Variants in IGDCC4 observed in about 807,000 individuals in gnomAD.
IGDCC4 encodes the protein immunoglobulin superfamily DCC subclass member 4.
In IGDCC4, 72 loss-of-function variants were observed where a neutral mutation model predicts 116.6. The ratio of observed to expected loss-of-function variants is 0.62; its 90% CI spans 0.51 to 0.75. The LOEUF is 0.75. Among genes scored for constraint, IGDCC4 ranks in the 30% least tolerant of loss-of-function variants. The pLI, the probability that IGDCC4 is intolerant of heterozygous loss-of-function variation, is 0.00. For missense variants in IGDCC4, 1,501 were observed against 1,662.4 expected (o/e 0.90, Z 1.69); for synonymous variants, 709 against 719.9 (o/e 0.98, Z 0.24).
chr15:65,390,135 G>A lies in IGDCC4; in HGVS notation c.2408+20C>T. 6.5e-7 allele frequency: 1 copy of A among 1,543,046 alleles called. No individual in the cohort carries two copies. Among genetic ancestry groups the A allele is most frequent in the East Asian group, 2.3e-5 (1 of 43,598 alleles). On this transcript the variant is annotated intron_variant, in intron 13 of 19. Coordinates refer to ENST00000352385, the MANE Select transcript of IGDCC4 (RefSeq NM_020962.3). ...TATTCTTCCTCCCTTCTTTACATTA[G>A]TAAAGGCATTAGTCCCCACCTGGTG...
At chr15:65,398,687 G>C (rs542483901) in intron 5 of IGDCC4, among the ~76,000 whole-genome samples, 156 of 151,964 alleles carry the variant, frequency 1.0e-3, no homozygotes, top group South Asian at 2.3e-3. Context: ...GTCAGGAGAT[G>C]GAGACCATCC....
At chr15:65,412,384 C>T (rs966459888) in intron 1 of IGDCC4, among the ~76,000 whole-genome samples, 3 of 151,354 alleles carry the variant, frequency 2.0e-5, no homozygotes, top group African/African-American at 7.3e-5. Flanking sequence ...TGGTGGCACG[C>T]ACCTGTAATC....
In IGDCC4 at chr15:65,395,075, G is replaced by A; in HGVS notation, c.1576+19C>T. 7 of 1,588,478 alleles carry A rather than the reference G, an allele frequency of 4.4e-6. No individual in the cohort carries two copies. Among genetic ancestry groups the A allele is most frequent in the Non-Finnish European group, 6.0e-6 (7 of 1,160,766 alleles). On this transcript the variant is annotated intron_variant, in intron 8 of 19. Transcript: ENST00000352385. ...TTCTCTTTACCCCAAGCTGCCCACTGCGAGTTCAGAGGCCCTACCATCATC... is the reference window on the plus strand; with the variant it reads ...TTCTCTTTACCCCAAGCTGCCCACTACGAGTTCAGAGGCCCTACCATCATC...
chr15:65,390,043 A>G lies in IGDCC4; in HGVS notation c.2408+112T>C. The G allele has an allele frequency of 3.2e-6, 3 of 941,140 alleles. 1 individual carries two copies. The highest frequency in any genetic ancestry group is 4.8e-6 in the Non-Finnish European group (3 of 627,142). The allele number at this position is 941,140 out of a possible 1,614,324, so 58.3% of individuals were successfully genotyped here. On this transcript the variant is annotated intron_variant, in intron 13 of 19. Coordinates refer to ENST00000352385, the MANE Select transcript of IGDCC4 (RefSeq NM_020962.3). ...CTCAGCGTAACAGGTGAGCCATGACATGTTCCTGAATCCCAGGGGCCCTTC... is the reference window on the plus strand; with the variant it reads ...CTCAGCGTAACAGGTGAGCCATGACGTGTTCCTGAATCCCAGGGGCCCTTC...
At chr15:65,415,370 C>T (rs577405318) in intron 1 of IGDCC4, among the ~76,000 whole-genome samples, 19 of 152,326 alleles carry the variant, frequency 1.2e-4, no homozygotes, top group African/African-American at 3.1e-4. Context: ...GCAGGACGGC[C>T]GCCAGAGGGG....
At chr15:65,398,505 G>C (rs1433570280) in intron 5 of IGDCC4, among the ~76,000 whole-genome samples, 1 of 128,934 alleles carries the variant, frequency 7.8e-6, no homozygotes, top group African/African-American at 3.1e-5. Flanking sequence ...CTGCACTCCA[G>C]CCTGGGAAAC....
Position 65,383,953 on chromosome 15 carries a change from A to C in IGDCC4, c.*56T>G. On this transcript the variant is annotated 3_prime_UTR_variant, in exon 20 of 20. Coordinates refer to ENST00000352385, the MANE Select transcript of IGDCC4 (RefSeq NM_020962.3). ...CATGTGGACATACACGGCCACAGGT[A>C]TCGCATCCTATGTGATCCATACCTG... 6.9e-7 allele frequency: 1 copy of C among 1,455,128 alleles called. No individual in the cohort carries two copies. The highest frequency in any genetic ancestry group is 9.2e-7 in the Non-Finnish European group (1 of 1,086,438). The allele number at this position is 1,455,128 out of a possible 1,614,324, so 90.1% of individuals were successfully genotyped here. A position where few individuals can be genotyped will look rare whatever the true frequency, so the allele number is the denominator to read the frequency against.
intron 1 of IGDCC4, among the ~76,000 whole-genome samples, chr15:65,415,793 C>A (rs976805295): frequency 6.6e-6 from 1 of 152,180 alleles, no homozygotes; most frequent in Non-Finnish European, 1.5e-5. Context: ...GCCCAGGAAG[C>A]GCATCCTTAG....
chr15:65,412,921 A>G (rs1018883352), intron 1 of IGDCC4, among the ~76,000 whole-genome samples: 1 of 145,232 alleles, frequency 6.9e-6, no homozygotes, highest in Admixed American at 6.8e-5. Context: ...ACATATATAG[A>G]TCTCTCTCTC....
Position 65,395,046 on chromosome 15 carries a change from G to C in IGDCC4, c.1576+48C>G, listed in dbSNP as rs74023804. On this transcript the variant is annotated intron_variant, in intron 8 of 19. Transcript: ENST00000352385. ...AGAGAGGGTGAGCTCCCCTCCCCAG[G>C]GAATTCTCTTTACCCCAAGCTGCCC... The C allele has an allele frequency of 4.0e-4, 621 of 1,557,674 alleles. 2 individuals are homozygous for C. The African/African-American group carries it at 7.5e-3, about 19-fold the overall frequency.
At chr15:65,410,157 G>C (rs376244275) in intron 3 of IGDCC4, 21 bp downstream of exon 3, 7 of 1,611,012 alleles carry the variant, frequency 4.3e-6, no homozygotes, top group Non-Finnish European at 5.9e-6. Context: ...ACCAGGACCC[G>C]CTCCCCTACA....
intron 1 of IGDCC4, among the ~76,000 whole-genome samples, chr15:65,417,085 T>C (rs1480615359): frequency 2.0e-5 from 3 of 152,190 alleles, no homozygotes; most frequent in African/African-American, 7.2e-5. Flanking sequence ...GCCTCCTCAC[T>C]TCTGAATTTC....
At position 65,394,542 on chromosome 15, in the gene IGDCC4, C is replaced by G. The variant is rs1178418057; in HGVS notation, c.1583G>C (p.Ser528Thr). ...GGACAGGGAGAGCTGGGGTGCTGCACTGGGGACTGAGACAGAAGAACATCA... is the reference window on the plus strand; with the variant it reads ...GGACAGGGAGAGCTGGGGTGCTGCAGTGGGGACTGAGACAGAAGAACATCA... ...ALVHTLDDVP[S>T]AAPQLSLSSP... Residue 528 changes from serine to threonine, a missense_variant, in exon 9 of 20, where the codon AGT (serine) becomes ACT (threonine). Physicochemically the swap from Ser to Thr is moderately conservative, Grantham distance 58. This residue lies in a region of IGDCC4 where 898 missense variants were observed against 978.9 expected (regional missense o/e 0.92). Coordinates refer to ENST00000352385, the MANE Select transcript of IGDCC4 (RefSeq NM_020962.3). 1.9e-6 allele frequency: 3 copies of G among 1,601,156 alleles called. No homozygotes were observed. In the South Asian group the frequency reaches 3.4e-5, roughly 18 times the overall value.
At chr15:65,401,986 T>C (rs1365800396) in intron 4 of IGDCC4, among the ~76,000 whole-genome samples, 2 of 152,130 alleles carry the variant, frequency 1.3e-5, no homozygotes, top group South Asian at 4.1e-4. Context: ...TCAGTGACTA[T>C]AGAAGGGCAG....
chr15:65,405,383 G>A (rs1430437401), intron 3 of IGDCC4, among the ~76,000 whole-genome samples: 1 of 150,100 alleles, frequency 6.7e-6, no homozygotes, highest in Non-Finnish European at 1.5e-5. Flanking sequence ...CTAATAATCT[G>A]TGCCCTTGTA....
At chr15:65,412,015 C>T (rs2063099072) in intron 1 of IGDCC4, among the ~76,000 whole-genome samples, 1 of 152,194 alleles carries the variant, frequency 6.6e-6, no homozygotes, top group Non-Finnish European at 1.5e-5. Context: ...ATTAAAAAAG[C>T]ATACCAGCCT....
At chr15:65,408,238 G>C (rs1357958980) in intron 3 of IGDCC4, among the ~76,000 whole-genome samples, 1 of 152,228 alleles carries the variant, frequency 6.6e-6, no homozygotes, top group Non-Finnish European at 1.5e-5. Context: ...CCATTAAGTG[G>C]TTCATGTTGT....
intron 5 of IGDCC4, 111 bp from the exon 6 acceptor site, chr15:65,397,100 C>T: frequency 7.5e-7 from 1 of 1,329,390 alleles, no homozygotes; most frequent in Admixed American, 2.3e-5. Context: ...ACAACCGTCC[C>T]TGGTCCGAAT....
Position 65,398,606 on chromosome 15 carries a change from C to T in IGDCC4, c.842-1617G>A, listed in dbSNP as rs548391771. On this transcript the variant is annotated intron_variant, in intron 5 of 19. Coordinates refer to ENST00000352385, the MANE Select transcript of IGDCC4 (RefSeq NM_020962.3). ...GAAAGAAAACAAAACAGGCCGGGAGCGGTGGCTCCTGTCTGTAATCCCAGC... is the reference window on the plus strand; with the variant it reads ...GAAAGAAAACAAAACAGGCCGGGAGTGGTGGCTCCTGTCTGTAATCCCAGC... 9.3e-5 allele frequency among the ~76,000 whole-genome samples: 14 copies of T among 150,200 alleles called. No homozygotes were observed. The South Asian group carries it at 2.5e-3, about 27-fold the overall frequency.
Sources: allele counts gnomAD v4.1 joint callset (sites outside exome capture counted in the v4.1 genomes callset), GRCh38; gene constraint gnomAD v4.1.1; regional missense constraint gnomAD v4.1.1; transcripts MANE v1.5; gene names NCBI Gene and HGNC (gene_info 2026-07-23, HGNC 2026-07-21).